XRCC2: variants seen among roughly 807,000 people sequenced by gnomAD.
XRCC2 encodes DNA repair protein XRCC2.
A neutral mutation model predicts 27.3 loss-of-function variants in XRCC2; 24 were observed. The ratio of observed to expected loss-of-function variants is 0.88; its 90% confidence interval spans 0.64 to 1.24. The LOEUF is 1.24. Ranked by LOEUF, XRCC2 falls within the 50% of genes most tolerant of loss-of-function variation. The pLI, the probability that XRCC2 is intolerant of heterozygous loss-of-function variation, is 0.00. For missense variants in XRCC2, 321 were observed against 325.8 expected (o/e 0.99, Z 0.11); for synonymous variants, 106 against 115.4 (o/e 0.92, Z 0.52).
chr7:152,660,948 C>T (rs1226893109), intron 1 of XRCC2, among the ~76,000 whole-genome samples, 166 bp from the exon 2 acceptor site: 1 of 152,122 alleles, frequency 6.6e-6, no homozygotes, highest in East Asian at 1.9e-4. Flanking sequence ...GTGGGCAGAT[C>T]GCTTGAGTCC....
At chr7:152,670,451 TAGA>T (rs1264541825) in intron 1 of XRCC2, among the ~76,000 whole-genome samples, 2 of 152,102 alleles carry the variant, frequency 1.3e-5, no homozygotes, top group South Asian at 2.1e-4. Context: ...TCCAACTATT[TAGA>T]AGTTCAGGTT....
intron 1 of XRCC2, among the ~76,000 whole-genome samples, chr7:152,673,192 C>CT (rs1419006850): frequency 1.3e-5 from 2 of 151,744 alleles, no homozygotes; most frequent in African/African-American, 4.8e-5. Context: ...AATATATATT[C>CT]TTTTTTTTGA....
intron 1 of XRCC2, among the ~76,000 whole-genome samples, chr7:152,673,252 G>A (rs780060923): frequency 2.0e-5 from 3 of 151,774 alleles, no homozygotes; most frequent in African/African-American, 7.3e-5. Context: ...GCGTGATGTC[G>A]GCTCACTGAA....
At chr7:152,659,016 C>T (rs2098031954) in intron 2 of XRCC2, among the ~76,000 whole-genome samples, 2 of 152,286 alleles carry the variant, frequency 1.3e-5, no homozygotes, top group South Asian at 2.1e-4. Flanking sequence ...CATATGGTAG[C>T]TCTATTTTTA....
chr7:152,663,721 C>T (rs1456251842), intron 1 of XRCC2, among the ~76,000 whole-genome samples: 3 of 152,098 alleles, frequency 2.0e-5, no homozygotes, highest in African/African-American at 7.2e-5. Flanking sequence ...CACCTGTAGT[C>T]CCAGCTACTC....
In XRCC2 at chr7:152,647,353, C is replaced by G. The variant is rs1014671602; in HGVS notation, c.*1289G>C. 6.7e-6 allele frequency: 1 copy of G among 149,774 alleles called. No individual in the cohort carries two copies. Among genetic ancestry groups the G allele is most frequent in the Admixed American group, 6.6e-5 (1 of 15,160 alleles). 9.3% of individuals were successfully genotyped at this position (149,774 alleles called of 1,614,324 possible). The stretch of plus-strand genomic sequence containing the variant: ...AATTTTCTCCCATTCTGTAAGCTGT[C>G]TGTTTACTCTCTTGATAGTTTCTTT... On this transcript the variant is annotated 3_prime_UTR_variant, in exon 3 of 3. Transcript: ENST00000359321.
rs114701704 is a variant in XRCC2, at chr7:152,650,599, C to T, written c.122-1236G>A. 4.0e-3 allele frequency among the ~76,000 whole-genome samples: 607 copies of T among 152,240 alleles called. 5 individuals are homozygous for T. The highest frequency in any genetic ancestry group is 0.012 in the African/African-American group (487 of 41,546). ...CCCCAACCAAATGATGGTCTAAATA[C>T]GGATTCAAGGGCTGGGCGCAGTGGC... On this transcript the variant is annotated intron_variant, in intron 2 of 2. Coordinates refer to ENST00000359321, the MANE Select transcript of XRCC2 (RefSeq NM_005431.2).
chr7:152,659,937 T>C (rs372160695), intron 2 of XRCC2, among the ~76,000 whole-genome samples: 3 of 151,506 alleles, frequency 2.0e-5, no homozygotes, highest in East Asian at 1.9e-4. Context: ...TGTACACTCA[T>C]GCAATGAAAT....
rs530664762 is a variant in XRCC2, at chr7:152,663,346, T to TAAAAAAAAAAAAAAAA, written c.40-2580_40-2565dup. ...GCTTTACGTAAGAATGTCTTTGAAG[T>TAAAAAAAAAAAAAAAA]AAAAAAAAAAAAAAAAAAAAAAAAA... On this transcript the variant is annotated intron_variant, in intron 1 of 2. Transcript: ENST00000359321. 2.4e-3 allele frequency among the ~76,000 whole-genome samples: 198 copies of TAAAAAAAAAAAAAAAA among 80,888 alleles called. 15 individuals carry two copies. The highest frequency in any genetic ancestry group is 3.6e-3 in the Non-Finnish European group (147 of 40,460). 53.1% of individuals were successfully genotyped at this position (80,888 alleles called of 152,430 possible).
intron 1 of XRCC2, 77 bp downstream of exon 1, chr7:152,675,964 C>T: frequency 6.3e-7 from 1 of 1,597,982 alleles, no homozygotes; most frequent in Non-Finnish European, 8.6e-7. Flanking sequence ...CTCCCAATCC[C>T]CCGGGTTCCC....
At chr7:152,670,219 T>C (rs1399059849) in intron 1 of XRCC2, among the ~76,000 whole-genome samples, 1 of 152,182 alleles carries the variant, frequency 6.6e-6, no homozygotes, top group Non-Finnish European at 1.5e-5. Context: ...CAAGGTTCCT[T>C]CCCTCCATGA....
At chr7:152,665,487 C>T (rs1164660540) in intron 1 of XRCC2, among the ~76,000 whole-genome samples, 128 of 84,344 alleles carry the variant, frequency 1.5e-3, no homozygotes, top group Non-Finnish European at 2.2e-3. Context: ...TAAGACAAAC[C>T]TTTTTTTTTT....
intron 1 of XRCC2, among the ~76,000 whole-genome samples, chr7:152,661,925 T>G (rs577543110): frequency 6.6e-6 from 1 of 152,308 alleles, no homozygotes; most frequent in South Asian, 2.1e-4. Flanking sequence ...ATAAGGCTGA[T>G]GAGGATTAAA....
rs2098025156 is a variant in XRCC2 at position 152,645,064 on chromosome 7, G to A, written c.*3578C>T. 6.6e-6 allele frequency: 1 copy of A among 152,070 alleles called. No homozygotes were observed. Among genetic ancestry groups the A allele is most frequent in the African/African-American group, 2.4e-5 (1 of 41,408 alleles). 9.4% of individuals were successfully genotyped at this position (152,070 alleles called of 1,614,324 possible). On this transcript the variant is annotated 3_prime_UTR_variant, in exon 3 of 3. Transcript: ENST00000359321. ...GTAAGATTTGCTTCAGCCTCCAAGA[G>A]TGTGTTTACGTAAAATTAAATGAGC...
At chr7:152,667,097 G>C (rs2098036085) in intron 1 of XRCC2, among the ~76,000 whole-genome samples, 1 of 151,870 alleles carries the variant, frequency 6.6e-6, no homozygotes, top group Non-Finnish European at 1.5e-5. Flanking sequence ...AGAAATCCTG[G>C]CAAAATAGTA....
intron 1 of XRCC2, among the ~76,000 whole-genome samples, chr7:152,673,021 G>T (rs533659544): frequency 6.6e-6 from 1 of 152,162 alleles, no homozygotes; most frequent in Non-Finnish European, 1.5e-5. Flanking sequence ...ATCTCAGTGA[G>T]ATATAAAAGT....
chr7:152,657,149 T>C (rs1299850429), intron 2 of XRCC2, among the ~76,000 whole-genome samples: 18 of 148,452 alleles, frequency 1.2e-4, no homozygotes, highest in African/African-American at 4.2e-4. Context: ...GGCAGGAGAA[T>C]CACTTGAACC....
chr7:152,653,778 A>G (rs1054179903), intron 2 of XRCC2, among the ~76,000 whole-genome samples: 1 of 152,186 alleles, frequency 6.6e-6, no homozygotes, highest in African/African-American at 2.4e-5. Context: ...AGAAATTTTT[A>G]GTTCACATAA....
chr7:152,652,189 AAG>A (rs2098028841), intron 2 of XRCC2, among the ~76,000 whole-genome samples: 1 of 151,752 alleles, frequency 6.6e-6, no homozygotes, highest in South Asian at 2.1e-4. Flanking sequence ...GAAAAAAAAA[AAG>A]ATTCTAGGCT....
Sources: gnomAD v4.1 joint callset for allele counts (sites outside exome capture counted in the v4.1 genomes callset) on GRCh38, gnomAD v4.1.1 for gene constraint, MANE v1.5 for transcripts, NCBI Gene and HGNC (gene_info 2026-07-23, HGNC 2026-07-21) for gene names.